FHAD1: variants seen among roughly 807,000 people sequenced by gnomAD.
FHAD1 encodes the protein forkhead-associated domain-containing protein 1.
A neutral mutation model predicts 191.3 loss-of-function variants in FHAD1; 146 were observed. The observed-to-expected ratio is 0.76, with a 90% confidence interval of 0.67 to 0.88. The LOEUF (loss-of-function observed/expected upper bound fraction) is 0.88, where lower values mean the gene tolerates loss of function less well. Among genes scored for constraint, FHAD1 ranks in the 40% least tolerant of loss-of-function variants. FHAD1 has a pLI of 0.00. For missense variants in FHAD1, 1,635 were observed against 1,785.8 expected (o/e 0.92, Z 1.52); for synonymous variants, 616 against 672.3 (o/e 0.92, Z 1.29).
intron 14 of FHAD1, among the ~76,000 whole-genome samples, chr1:15,338,109 G>A (rs1232441487): frequency 6.6e-6 from 1 of 152,108 alleles, no homozygotes; most frequent in Non-Finnish European, 1.5e-5. Flanking sequence ...CCCGGGAGGA[G>A]CACTGCCTTT....
chr1:15,330,262 C>T (rs187854330), intron 14 of FHAD1, among the ~76,000 whole-genome samples: 1 of 152,282 alleles, frequency 6.6e-6, no homozygotes, highest in East Asian at 1.9e-4. Context: ...CATTGTTGCA[C>T]ACATACCTGC....
chr1:15,381,754 G>A lies in FHAD1; in HGVS notation c.4023-274G>A, dbSNP rs890676599. 3.9e-5 allele frequency among the ~76,000 whole-genome samples: 6 copies of A among 152,012 alleles called. No homozygotes were observed. The East Asian group carries it at 5.9e-4, about 15-fold the overall frequency. ...CCAGTTGTGTAGCATTGACAGCTCC[G>A]TCATATTTTCAAGAGTCGCAGTTCC... On this transcript the variant is annotated intron_variant, in intron 30 of 33. Transcript: ENST00000688493. The surrounding 1 kb of genome is among the most constrained non-coding windows in gnomAD (Gnocchi z 4.6).
At chr1:15,294,206 C>G (rs1666119324) in intron 4 of FHAD1, among the ~76,000 whole-genome samples, 1 of 152,200 alleles carries the variant, frequency 6.6e-6, no homozygotes, top group South Asian at 2.1e-4. Context: ...TCTGAGGAAG[C>G]CCTTTCCTCT....
intron 20 of FHAD1, 106 bp downstream of exon 20, chr1:15,353,090 G>A: frequency 2.5e-6 from 2 of 804,928 alleles, no homozygotes; most frequent in Non-Finnish European, 4.0e-6. Flanking sequence ...ATCCCTGGCT[G>A]GGGGACTTCA....
At chr1:15,324,644 C>A in intron 11 of FHAD1, 85 bp downstream of exon 11, 1 of 953,178 alleles carries the variant, frequency 1.0e-6, no homozygotes, top group Non-Finnish European at 1.7e-6. Context: ...GAGAGGAGGA[C>A]GCCCAAGGTA....
intron 24 of FHAD1, 49 bp downstream of exon 24, chr1:15,365,982 G>A (rs564790887): frequency 7.7e-7 from 1 of 1,305,192 alleles, no homozygotes; most frequent in Admixed American, 2.0e-5. Context: ...ACTCGAGAAA[G>A]GAAGGAGATG....
At chr1:15,239,195 C>G (rs891604591) in intron 1 of FHAD1, among the ~76,000 whole-genome samples, 9 of 152,290 alleles carry the variant, frequency 5.9e-5, no homozygotes, top group African/African-American at 2.2e-4. Flanking sequence ...GCATGAGCTA[C>G]CATGCTCAGC....
At chr1:15,392,631 G>A (rs995906554) in intron 33 of FHAD1, among the ~76,000 whole-genome samples, 2 of 152,140 alleles carry the variant, frequency 1.3e-5, no homozygotes, top group African/African-American at 4.8e-5. Flanking sequence ...GAGTCATCAT[G>A]ACCACCCTGA....
chr1:15,326,994 A>T, intron 11 of FHAD1, 65 bp from the exon 12 acceptor site: 1 of 992,172 alleles, frequency 1.0e-6, no homozygotes, highest in Non-Finnish European at 1.6e-6. Flanking sequence ...CCTGCCATGG[A>T]AACGCTGCCC....
chr1:15,363,729 C>A (rs993168160), intron 23 of FHAD1: 4 of 456,124 alleles, frequency 8.8e-6, no homozygotes, highest in African/African-American at 8.0e-5. Flanking sequence ...CTCTCCTGAC[C>A]CTGAAAGCCA....
At chr1:15,374,848 G>GTTTTTGGTT (rs1699106627) in intron 27 of FHAD1, among the ~76,000 whole-genome samples, 3 of 107,654 alleles carry the variant, frequency 2.8e-5, no homozygotes, top group African/African-American at 1.7e-4. Context: ...ACTATTGTAC[G>GTTTTTGGTT]TTTTTTTTTT....
chr1:15,241,314 A>G (rs577042104), intron 1 of FHAD1, among the ~76,000 whole-genome samples: 1 of 152,352 alleles, frequency 6.6e-6, no homozygotes, highest in East Asian at 1.9e-4. Flanking sequence ...GAAAGAAACC[A>G]GACAGAAGAT....
At chr1:15,402,678 C>T (rs1488822680), downstream of FHAD1, among the ~76,000 whole-genome samples, 1 of 152,200 alleles carries the variant, frequency 6.6e-6, no homozygotes, top group Non-Finnish European at 1.5e-5. Context: ...CATGTCATTA[C>T]TCCTGTTATA....
At chr1:15,250,525 G>A (rs1397142077) in intron 1 of FHAD1, among the ~76,000 whole-genome samples, 1 of 152,126 alleles carries the variant, frequency 6.6e-6, no homozygotes, top group Non-Finnish European at 1.5e-5. Context: ...ATGCTGGGGG[G>A]AATACTGTGC....
intron 33 of FHAD1, among the ~76,000 whole-genome samples, chr1:15,392,393 A>AGGTG (rs1557464967): frequency 6.6e-6 from 1 of 152,112 alleles, no homozygotes; most frequent in Non-Finnish European, 1.5e-5. Context: ...TTAGCTGGGC[A>AGGTG]TGGTGGCGGG....
In FHAD1 at chr1:15,341,793, G is replaced by A. The variant is rs1040714387; in HGVS notation, c.2035G>A (p.Glu679Lys). ...QQSLLQEKLR[E>K]HLAEKEKLNE... ...GTCTTTACTGCAGGAAAAGCTGCGG[G>A]AGCATCTGGCAGAGAAGGAGAAGCT... The change falls in exon 16 of 34, where the codon GAG becomes AAG. Residue 679 changes from glutamate (E) to lysine (K), a missense_variant. By Grantham distance (56) the Glu-to-Lys change is moderately conservative. Transcript: ENST00000688493. The A allele has an allele frequency of 8.6e-5, 134 of 1,551,742 alleles. No homozygotes were observed. Among genetic ancestry groups the A allele is most frequent in the Non-Finnish European group, 1.1e-4 (130 of 1,146,940 alleles).
chr1:15,359,060 ACACTT>A (rs57966124), intron 21 of FHAD1, among the ~76,000 whole-genome samples: 2,215 of 152,208 alleles, frequency 0.015, 49 homozygotes, highest in African/African-American at 0.05. Flanking sequence ...AGGAGACTGC[ACACTT>A]CAGGCCAGGG....
rs995260172 is a variant in FHAD1, at chr1:15,329,272, G to C, written c.1711-74G>C. ...GCTTCGTGGCAGAGTCAAGAACGCT[G>C]TTCCTCGAAGGTCACGTCAGGGGCT... is the stretch of plus-strand genomic sequence containing the variant. On this transcript the variant is annotated intron_variant, in intron 13 of 33. Coordinates refer to ENST00000688493, the MANE Select transcript of FHAD1 (RefSeq NM_001391957.1). This position sits in a 1 kb window ranked among gnomAD's most constrained non-coding sequence, Gnocchi z 5.0. 24 of 1,274,192 alleles carry C rather than the reference G, an allele frequency of 1.9e-5. No individual in the cohort carries two copies. The highest frequency in any genetic ancestry group is 2.7e-5 in the Admixed American group (1 of 37,348). The allele number at this position is 1,274,192 out of a possible 1,614,324, so 78.9% of individuals were successfully genotyped here. A position where few individuals can be genotyped will look rare whatever the true frequency, so the allele number is the denominator to read the frequency against.
rs539721987 is a variant in FHAD1, at chr1:15,384,848, G to T, written c.4188+2655G>T. 4.6e-5 allele frequency among the ~76,000 whole-genome samples: 7 copies of T among 152,338 alleles called. 1 individual carries two copies. The South Asian group carries it at 1.4e-3, about 32-fold the overall frequency. ...GCCCACCCTCACCTCACATCAGCCTGCGAGGAGGGCTGCCGGGCATCTGCC... is the reference window on the plus strand; with the variant it reads ...GCCCACCCTCACCTCACATCAGCCTTCGAGGAGGGCTGCCGGGCATCTGCC... On this transcript the variant is annotated intron_variant, in intron 31 of 33. Transcript: ENST00000688493.
Sources: allele counts gnomAD v4.1 joint callset (sites outside exome capture counted in the v4.1 genomes callset), GRCh38; gene constraint gnomAD v4.1.1; non-coding constraint Gnocchi (gnomAD v3.1); transcripts MANE v1.5; gene names NCBI Gene and HGNC (gene_info 2026-07-23, HGNC 2026-07-21).